Variants in XIAP observed in about 807,000 individuals in gnomAD.
The protein encoded by XIAP is X-linked inhibitor of apoptosis.
A neutral mutation model predicts 33.1 loss-of-function variants in XIAP; 3 were observed. The observed-to-expected ratio is 0.09, with a 90% confidence interval of 0.04 to 0.23. The LOEUF (loss-of-function observed/expected upper bound fraction) is 0.23. Among genes scored for constraint, XIAP ranks in the 10% least tolerant of loss-of-function variants. XIAP has a pLI of 1.00. For synonymous variants in XIAP, 98 were observed against 121.3 expected (o/e 0.81, Z 1.26); for missense variants, 264 against 363.0 (o/e 0.73, Z 2.22).
intron 6 of XIAP, among the ~76,000 whole-genome samples, chrX:123,902,036 G>C (rs1337881366): frequency 9.0e-6 from 1 of 111,512 alleles, no homozygotes; most frequent in African/African-American, 3.3e-5. Context: ...GTTTCGCCAA[G>C]TTGGCCGGGC....
rs1389229954 is a variant in XIAP, at chrX:123,910,652, G to A, written c.*3471G>A. 11 of 320,195 alleles carry A rather than the reference G, an allele frequency of 3.4e-5. No individual in the cohort carries two copies. Among genetic ancestry groups the A allele is most frequent in the Admixed American group, 6.4e-5 (2 of 31,220 alleles). 26.4% of individuals were successfully genotyped at this position (320,195 alleles called of 1,213,427 possible). On this transcript the variant is annotated 3_prime_UTR_variant, in exon 7 of 7. Coordinates refer to ENST00000371199, the MANE Select transcript of XIAP (RefSeq NM_001167.4). ...TGGGAGGCTGAGGCAGGTGGATCAC[G>A]AGGTCAGGAGATCGAGACCATCCTG...
chrX:123,885,731 TG>T lies in XIAP; in HGVS notation c.70del (p.Val24Ter), dbSNP rs755619494. Reference sequence around the variant, plus strand: ...CAGACATCAATAAGGAAGAAGAATTTGTAGAAGAGTTTAATAGATTAAAAAC... The same window carrying T: ...CAGACATCAATAAGGAAGAAGAATTTTAGAAGAGTTTAATAGATTAAAAAC... ...PADINKEEEF[V>X]EEFNRLKTFA... On this transcript the variant is annotated frameshift_variant, in exon 2 of 7. Coordinates refer to ENST00000371199, the MANE Select transcript of XIAP (RefSeq NM_001167.4). LOFTEE classifies it high-confidence loss of function. The T allele has an allele frequency of 8.3e-7, 1 of 1,211,176 alleles. No homozygotes were observed. The highest frequency in any genetic ancestry group is 1.8e-5 in the South Asian group (1 of 56,869).
intron 5 of XIAP, among the ~76,000 whole-genome samples, chrX:123,896,488 T>C (rs2053461173): frequency 8.9e-6 from 1 of 111,773 alleles, no homozygotes; most frequent in African/African-American, 3.2e-5. Flanking sequence ...TGGCTTCTTT[T>C]ACTTTCTAAA....
intron 1 of XIAP, among the ~76,000 whole-genome samples, chrX:123,875,834 T>C (rs1438534994): frequency 9.0e-6 from 1 of 110,851 alleles, no homozygotes; most frequent in Non-Finnish European, 1.9e-5. Flanking sequence ...TACAGGCATG[T>C]GCCACCACGC....
chrX:123,905,507 A>G (rs1486128352), intron 6 of XIAP, among the ~76,000 whole-genome samples: 3 of 111,537 alleles, frequency 2.7e-5, no homozygotes, highest in Non-Finnish European at 3.8e-5. Context: ...ATGCACACAC[A>G]CGCACACACA....
At chrX:123,878,774 T>G (rs1371769736) in intron 1 of XIAP, 2 of 112,204 alleles carry the variant, frequency 1.8e-5, no homozygotes, top group Non-Finnish European at 3.8e-5. Context: ...AGGAATGGCT[T>G]TAGCAGTCTT....
At position 123,910,319 on chromosome X, in the gene XIAP, A is replaced by T. The variant is rs1269209754; in HGVS notation, c.*3138A>T. 4 of 327,275 alleles carry T rather than the reference A, an allele frequency of 1.2e-5. No homozygotes were observed. In the Admixed American group the frequency reaches 1.3e-4, roughly 10 times the overall value. The allele number at this position is 327,275 out of a possible 1,213,427, so 27.0% of individuals were successfully genotyped here. On this transcript the variant is annotated 3_prime_UTR_variant, in exon 7 of 7. Coordinates refer to ENST00000371199, the MANE Select transcript of XIAP (RefSeq NM_001167.4). Reference sequence around the variant, plus strand: ...ATAATGTGATTTGGCCCTGTGTATTATGATATTTTGTTATTTTTGTTGTTA... The same window carrying T: ...ATAATGTGATTTGGCCCTGTGTATTTTGATATTTTGTTATTTTTGTTGTTA...
intron 1 of XIAP, 139 bp from the exon 2 acceptor site, chrX:123,885,492 G>A: frequency 2.2e-6 from 1 of 461,861 alleles, no homozygotes; most frequent in East Asian, 3.7e-5. Flanking sequence ...TCGAACTCTA[G>A]TATTTAGAAT....
chrX:123,907,988 G>A lies in XIAP; in HGVS notation c.*807G>A, dbSNP rs754647970. 7.6e-5 allele frequency: 28 copies of A among 370,410 alleles called. No homozygotes were observed. Among genetic ancestry groups the A allele is most frequent in the South Asian group, 6.7e-4 (25 of 37,304 alleles). The allele number at this position is 370,410 out of a possible 1,213,427, so 30.5% of individuals were successfully genotyped here. ...GGGATTGGGGGAGGGGCCCCAGAGG[G>A]GTTTTATAGGGGCCTTTTCACTTTC... On this transcript the variant is annotated 3_prime_UTR_variant, in exon 7 of 7. Transcript: ENST00000371199.
Position 123,913,719 on chromosome X carries a change from T to G in XIAP, c.*6538T>G, listed in dbSNP as rs2053628106. The G allele has an allele frequency of 3.1e-6, 1 of 323,416 alleles. No homozygotes were observed. Among genetic ancestry groups the G allele is most frequent in the Non-Finnish European group, 5.9e-6 (1 of 168,412 alleles). 26.7% of individuals were successfully genotyped at this position (323,416 alleles called of 1,213,427 possible). A position where few individuals can be genotyped will look rare whatever the true frequency, so the allele number is the denominator to read the frequency against. Reference sequence around the variant, plus strand: ...ATGTAATTTATGTTAGATTTTGCATTTTTTTCATTACTGTTATATTTTAAC... The same window carrying G: ...ATGTAATTTATGTTAGATTTTGCATGTTTTTCATTACTGTTATATTTTAAC... On this transcript the variant is annotated 3_prime_UTR_variant, in exon 7 of 7. Transcript: ENST00000371199.
chrX:123,871,520 CTTTT>C (rs773491911), intron 1 of XIAP, among the ~76,000 whole-genome samples: 1 of 102,029 alleles, frequency 9.8e-6, no homozygotes, highest in African/African-American at 3.5e-5. Context: ...CTTTTTCTTT[CTTTT>C]TTTTTTTTTG....
chrX:123,901,919 G>A (rs751412620), intron 6 of XIAP, among the ~76,000 whole-genome samples: 174 of 110,934 alleles, frequency 1.6e-3, no homozygotes, highest in African/African-American at 5.4e-3. Context: ...TGCAACCTCC[G>A]CCTCCCCAGC....
rs1255682836 is a variant in XIAP at position 123,912,171 on chromosome X, G to GT, written c.*4994dup. The GT allele has an allele frequency of 6.5e-6, 2 of 308,392 alleles. No homozygotes were observed. Among genetic ancestry groups the GT allele is most frequent in the African/African-American group, 5.8e-5 (2 of 34,293 alleles). 25.4% of individuals were successfully genotyped at this position (308,392 alleles called of 1,213,427 possible). A position where few individuals can be genotyped will look rare whatever the true frequency, so the allele number is the denominator to read the frequency against. ...TATAGCCAGCCCTTCATATCTGTGGGTTTTGCATCCATGGATTCAACCAAG... is the reference window on the plus strand; with the variant it reads ...TATAGCCAGCCCTTCATATCTGTGGGTTTTTGCATCCATGGATTCAACCAAG... On this transcript the variant is annotated 3_prime_UTR_variant, in exon 7 of 7. Transcript: ENST00000371199.
chrX:123,869,422 G>A (rs1260001916), intron 1 of XIAP, among the ~76,000 whole-genome samples: 2 of 103,454 alleles, frequency 1.9e-5, no homozygotes, highest in African/African-American at 3.6e-5. Flanking sequence ...TACTTAGGAG[G>A]CTGAGGCAGG....
intron 6 of XIAP, among the ~76,000 whole-genome samples, chrX:123,905,937 G>A (rs181167163): frequency 8.0e-5 from 9 of 112,492 alleles, no homozygotes; most frequent in African/African-American, 1.6e-4. Context: ...CCAGAAATCC[G>A]TGGTTTAAAA....
At chrX:123,904,964 G>GT in intron 6 of XIAP, among the ~76,000 whole-genome samples, 1 of 111,869 alleles carries the variant, frequency 8.9e-6, no homozygotes, top group South Asian at 3.7e-4. Flanking sequence ...TTTGGGACTG[G>GT]TTTCTGCCCT....
chrX:123,864,431 T>C (rs994179875), intron 1 of XIAP, among the ~76,000 whole-genome samples: 2 of 105,670 alleles, frequency 1.9e-5, no homozygotes, highest in African/African-American at 6.9e-5. Flanking sequence ...AGGATAAATA[T>C]GGCAAAACAA....
chrX:123,867,039 C>T (rs5958319), intron 1 of XIAP, among the ~76,000 whole-genome samples: 15,794 of 39,430 alleles, frequency 0.4, 2,896 homozygotes, highest in South Asian at 0.55. Flanking sequence ...TGTTTTAATC[C>T]CCCCCCCCCC....
chrX:123,884,827 G>A (rs2053336820), intron 1 of XIAP, among the ~76,000 whole-genome samples: 1 of 110,917 alleles, frequency 9.0e-6, no homozygotes, highest in Admixed American at 9.8e-5. Context: ...ATTACCAGCT[G>A]TAATTTGGCA....
Sources: gnomAD v4.1 joint callset for allele counts (sites outside exome capture counted in the v4.1 genomes callset) on GRCh38, gnomAD v4.1.1 for gene constraint, MANE v1.5 for transcripts, NCBI Gene and HGNC (gene_info 2026-07-23, HGNC 2026-07-21) for gene names.